Variants in NXPE2 observed in about 807,000 individuals in gnomAD.
NXPE2 encodes neurexophilin and PC-esterase domain family member 2.
NXPE2 carries 34 observed loss-of-function variants against 34.4 expected under a neutral mutation model. That is an observed-to-expected ratio of 0.99 (90% CI 0.75 to 1.31). The LOEUF (loss-of-function observed/expected upper bound fraction) is 1.31. NXPE2 is among the 40% of genes most tolerant of loss of function. NXPE2 has a pLI of 0.00. For missense variants in NXPE2, 649 were observed against 672.5 expected (o/e 0.97, Z 0.39); for synonymous variants, 235 against 231.3 (o/e 1.02, Z -0.15).
At chr11:114,698,918 C>T in intron 3 of NXPE2, 140 bp downstream of exon 3, 1 of 839,962 alleles carries the variant, frequency 1.2e-6, no homozygotes, top group South Asian at 1.9e-5. Flanking sequence ...GTCAGTTCAG[C>T]TTGGAGTGTG....
At chr11:114,776,024 C>G in the NXPE2 span, among the ~76,000 whole-genome samples, 50 of 152,292 alleles carry the variant, frequency 3.3e-4, no homozygotes, top group South Asian at 9.7e-3. Context: ...GCTGCTATGA[C>G]CCAAACACCT....
the NXPE2 span, among the ~76,000 whole-genome samples, chr11:114,750,036 C>T: frequency 6.6e-6 from 1 of 152,140 alleles, no homozygotes; most frequent in South Asian, 2.1e-4. Context: ...CTCACCCACC[C>T]AGGCTCAGAC....
chr11:114,526,851 A>G, the NXPE2 span, among the ~76,000 whole-genome samples: 1 of 152,216 alleles, frequency 6.6e-6, no homozygotes, highest in Non-Finnish European at 1.5e-5. Flanking sequence ...GCAATTAGAA[A>G]TTACTCATAT....
the NXPE2 span, among the ~76,000 whole-genome samples, chr11:114,750,329 C>CATGTCTG: frequency 1.3e-4 from 20 of 152,190 alleles, no homozygotes; most frequent in Non-Finnish European, 2.9e-4. Context: ...ACAAGTTTTA[C>CATGTCTG]CCTTAATATC....
chr11:114,767,130 T>C, the NXPE2 span, among the ~76,000 whole-genome samples: 2 of 152,306 alleles, frequency 1.3e-5, no homozygotes, highest in African/African-American at 4.8e-5. Context: ...TCCTATACTA[T>C]AGAAATTGTT....
the NXPE2 span, among the ~76,000 whole-genome samples, chr11:114,647,202 C>T: frequency 4.6e-5 from 7 of 152,302 alleles, no homozygotes; most frequent in African/African-American, 1.7e-4. Context: ...TATTATTCAC[C>T]TTCTACATTC....
chr11:114,783,252 A>C, the NXPE2 span, among the ~76,000 whole-genome samples: 1 of 152,212 alleles, frequency 6.6e-6, no homozygotes, highest in Non-Finnish European at 1.5e-5. Flanking sequence ...ATAAAAACCT[A>C]AAGTTAAAAC....
the NXPE2 span, among the ~76,000 whole-genome samples, chr11:114,634,778 A>G: frequency 6.6e-6 from 1 of 151,902 alleles, no homozygotes; most frequent in African/African-American, 2.4e-5. Context: ...AGTTGTAGAT[A>G]TGTGGCATTA....
downstream of NXPE2, chr11:114,707,579 A>C (rs1401477771): frequency 1.4e-5 from 3 of 211,928 alleles, no homozygotes; most frequent in Non-Finnish European, 2.0e-5. Flanking sequence ...TTTTAAGCGT[A>C]CAATTCAGTG....
the NXPE2 span, among the ~76,000 whole-genome samples, chr11:114,484,387 C>T: frequency 3.3e-5 from 5 of 152,250 alleles, no homozygotes; most frequent in Non-Finnish European, 5.9e-5. Context: ...TCCTTGATGA[C>T]TGCATGTGCT....
At chr11:114,637,447 C>A in the NXPE2 span, among the ~76,000 whole-genome samples, 3 of 151,932 alleles carry the variant, frequency 2.0e-5, no homozygotes, top group African/African-American at 7.2e-5. Flanking sequence ...TTAATTGGAG[C>A]ATTTAGTCCA....
the NXPE2 span, among the ~76,000 whole-genome samples, chr11:114,751,821 T>C: frequency 6.6e-6 from 1 of 152,116 alleles, no homozygotes; most frequent in Non-Finnish European, 1.5e-5. Flanking sequence ...AGGCCCTATG[T>C]AATCATGAGG....
At chr11:114,589,735 C>A in the NXPE2 span, among the ~76,000 whole-genome samples, 1 of 152,152 alleles carries the variant, frequency 6.6e-6, no homozygotes, top group African/African-American at 2.4e-5. Flanking sequence ...TAATCGGAGA[C>A]AATATCCCCT....
chr11:114,784,243 C>T, the NXPE2 span, among the ~76,000 whole-genome samples: 2 of 152,246 alleles, frequency 1.3e-5, no homozygotes, highest in African/African-American at 4.8e-5. Flanking sequence ...AGGAGACCTT[C>T]CATTGCAACT....
At chr11:114,577,574 T>G in the NXPE2 span, among the ~76,000 whole-genome samples, 1 of 151,964 alleles carries the variant, frequency 6.6e-6, no homozygotes, top group Admixed American at 6.6e-5. Flanking sequence ...ATTAAAAAAG[T>G]GTTATGTAAA....
At chr11:114,796,806 G>A in the NXPE2 span, among the ~76,000 whole-genome samples, 1 of 152,204 alleles carries the variant, frequency 6.6e-6, no homozygotes, top group Non-Finnish European at 1.5e-5. Flanking sequence ...GCAAAGTGCT[G>A]TGTGAGATGT....
the NXPE2 span, among the ~76,000 whole-genome samples, chr11:114,564,756 C>A: frequency 1.3e-5 from 2 of 152,028 alleles, no homozygotes; most frequent in Non-Finnish European, 2.9e-5. Context: ...GGATTGAATG[C>A]AAGAATATAT....
chr11:114,725,609 C>G, the NXPE2 span, among the ~76,000 whole-genome samples: 1 of 151,898 alleles, frequency 6.6e-6, no homozygotes, highest in Non-Finnish European at 1.5e-5. Flanking sequence ...CCCACAGGTT[C>G]TCTCTCACCC....
chr11:114,780,167 A>C, the NXPE2 span, among the ~76,000 whole-genome samples: 1 of 152,224 alleles, frequency 6.6e-6, no homozygotes, highest in South Asian at 2.1e-4. Flanking sequence ...AAATAGCTTC[A>C]AAGCCACTGA....
Sources: allele counts gnomAD v4.1 joint callset (sites outside exome capture counted in the v4.1 genomes callset), GRCh38; gene constraint gnomAD v4.1.1; transcripts MANE v1.5; gene names NCBI Gene and HGNC (gene_info 2026-07-23, HGNC 2026-07-21).